The following VTI1A variants were observed in gnomAD, a reference collection of about 807,000 sequenced individuals.
The protein encoded by VTI1A is vesicle transport through interaction with t-SNAREs homolog 1A.
A neutral mutation model predicts 34.9 loss-of-function variants in VTI1A; 22 were observed. That is an observed-to-expected ratio of 0.63 (90% confidence interval 0.45 to 0.90). The LOEUF (loss-of-function observed/expected upper bound fraction) is 0.90. VTI1A is among the 40% of genes least tolerant of loss of function. The probability of loss-of-function intolerance (pLI) is 0.00; values close to 1 mark genes in which losing one functional copy is unlikely to be tolerated. For synonymous variants in VTI1A, 87 were observed against 97.3 expected (o/e 0.89, Z 0.62); for missense variants, 268 against 275.6 (o/e 0.97, Z 0.20).
chr10:112,588,294 C>G (rs1844241079), intron 5 of VTI1A, among the ~76,000 whole-genome samples: 1 of 151,916 alleles, frequency 6.6e-6, no homozygotes, highest in African/African-American at 2.4e-5. Flanking sequence ...TGGGCCATAC[C>G]ATTATGAAGT....
At chr10:112,528,435 CAT>C (rs1850313652) in intron 4 of VTI1A, among the ~76,000 whole-genome samples, 1 of 151,602 alleles carries the variant, frequency 6.6e-6, no homozygotes, top group Non-Finnish European at 1.5e-5. Context: ...TGAGTTCAGA[CAT>C]GTGAACACGT....
chr10:112,774,376 C>G (rs1564920390), intron 7 of VTI1A, among the ~76,000 whole-genome samples: 1 of 152,156 alleles, frequency 6.6e-6, no homozygotes, highest in Non-Finnish European at 1.5e-5. Context: ...CCTGGGCCTG[C>G]CTCTGCCATT....
chr10:112,678,295 G>T (rs780361418), intron 7 of VTI1A, among the ~76,000 whole-genome samples: 1 of 152,014 alleles, frequency 6.6e-6, no homozygotes, highest in African/African-American at 2.4e-5. Context: ...TACATTTTCC[G>T]TCAATGCCTT....
At chr10:112,614,462 G>T (rs1308051634) in intron 5 of VTI1A, among the ~76,000 whole-genome samples, 1 of 152,188 alleles carries the variant, frequency 6.6e-6, no homozygotes, top group Non-Finnish European at 1.5e-5. Flanking sequence ...GAAAGAGACC[G>T]CCCATGGCTT....
Position 112,763,964 on chromosome 10 carries a change from A to G in VTI1A, c.561-51326A>G, listed in dbSNP as rs1304395138. Among the ~76,000 whole-genome samples the G allele has an allele frequency of 3.3e-5, 5 of 152,238 alleles. No homozygotes were observed. The East Asian group carries it at 9.6e-4, about 29-fold the overall frequency. ...CGCCAGAGCACCCTCTCCAGAAAACAGCATCCCAAGAATATGTACAGTTTC... is the reference window on the plus strand; with the variant it reads ...CGCCAGAGCACCCTCTCCAGAAAACGGCATCCCAAGAATATGTACAGTTTC... On this transcript the variant is annotated intron_variant, in intron 7 of 7. Transcript: ENST00000393077.
In VTI1A at chr10:112,551,105, G is replaced by A. The variant is rs547228310; in HGVS notation, c.427+12775G>A. Among the ~76,000 whole-genome samples the A allele has an allele frequency of 4.8e-4, 73 of 152,156 alleles. 1 individual carries two copies. The highest frequency in any genetic ancestry group is 1.7e-3 in the African/African-American group (70 of 41,554). On this transcript the variant is annotated intron_variant, in intron 5 of 7. Transcript: ENST00000393077. ...AAAAATACAAAAAAATTAGCCGGGC[G>A]TGATAGTGGGCGCCTGTAGTCCCAG... is the stretch of plus-strand genomic sequence containing the variant.
intron 7 of VTI1A, chr10:112,672,623 T>C (rs1847891041): frequency 6.6e-6 from 1 of 152,188 alleles, no homozygotes; most frequent in African/African-American, 2.4e-5. Context: ...AATTTGATTA[T>C]TATAATTGGC....
the VTI1A span, among the ~76,000 whole-genome samples, chr10:112,842,041 TTTTTTTTTCC>T: frequency 2.8e-3 from 392 of 141,784 alleles, 3 homozygotes; most frequent in African/African-American, 9.2e-3. Context: ...TCTTTTCTTT[TTTTTTTTTCC>T]TTTTTTTTTT....
At chr10:112,540,650 A>G (rs1328296769) in intron 5 of VTI1A, among the ~76,000 whole-genome samples, 6 of 152,164 alleles carry the variant, frequency 3.9e-5, no homozygotes, top group Non-Finnish European at 8.8e-5. Context: ...GAAGGAATAC[A>G]CTGGGGTGGG....
chr10:112,568,838 C>T (rs1337159589), intron 5 of VTI1A, among the ~76,000 whole-genome samples: 2 of 152,192 alleles, frequency 1.3e-5, no homozygotes, highest in East Asian at 1.9e-4. Flanking sequence ...TGTGTTCCTC[C>T]GCCATGCAGT....
intron 3 of VTI1A, among the ~76,000 whole-genome samples, chr10:112,483,406 T>C (rs1171844338): frequency 1.3e-5 from 2 of 151,958 alleles, no homozygotes; most frequent in Non-Finnish European, 2.9e-5. Context: ...GAGTGTCTGA[T>C]GCATTTCTAC....
intron 5 of VTI1A, among the ~76,000 whole-genome samples, chr10:112,661,028 C>T (rs935233789): frequency 2.6e-5 from 4 of 152,050 alleles, no homozygotes; most frequent in South Asian, 2.1e-4. Flanking sequence ...TCACCCAGGC[C>T]GGAGTGCAGT....
chr10:112,808,785 C>T (rs1224570472), intron 7 of VTI1A, among the ~76,000 whole-genome samples: 4 of 152,094 alleles, frequency 2.6e-5, no homozygotes, highest in South Asian at 4.1e-4. Flanking sequence ...TTCAGGAATC[C>T]GTCTCTTTTT....
chr10:112,694,544 C>T (rs1219155412), intron 7 of VTI1A, among the ~76,000 whole-genome samples: 1 of 151,968 alleles, frequency 6.6e-6, no homozygotes, highest in Non-Finnish European at 1.5e-5. Flanking sequence ...TGTCTGGAAG[C>T]ATGCCTCTGA....
intron 7 of VTI1A, among the ~76,000 whole-genome samples, chr10:112,772,918 T>C (rs1851854841): frequency 6.6e-6 from 1 of 152,092 alleles, no homozygotes; most frequent in South Asian, 2.1e-4. Context: ...CAGAACAGGG[T>C]GGAGTTTAGC....
chr10:112,713,605 G>C (rs1157133652), intron 7 of VTI1A, among the ~76,000 whole-genome samples: 1 of 152,116 alleles, frequency 6.6e-6, no homozygotes, highest in Non-Finnish European at 1.5e-5. Context: ...AGATCTCCTT[G>C]TCTGACACCT....
At chr10:112,462,923 T>G (rs558028487) in intron 2 of VTI1A, among the ~76,000 whole-genome samples, 2 of 151,540 alleles carry the variant, frequency 1.3e-5, no homozygotes, top group Admixed American at 1.3e-4. Flanking sequence ...TTTATTTATT[T>G]ATTTATTTAT....
At chr10:112,516,837 G>A (rs73365028) in intron 3 of VTI1A, among the ~76,000 whole-genome samples, 182 of 152,172 alleles carry the variant, frequency 1.2e-3, no homozygotes, top group African/African-American at 4.2e-3. Context: ...AGAATACCAT[G>A]TGCATGGTTA....
chr10:112,635,571 A>G (rs991763305), intron 5 of VTI1A, among the ~76,000 whole-genome samples: 2 of 152,244 alleles, frequency 1.3e-5, no homozygotes, highest in Non-Finnish European at 2.9e-5. Context: ...AGAAAGATCA[A>G]ACAATCGAGA....
Sources: gnomAD v4.1 joint callset for allele counts (sites outside exome capture counted in the v4.1 genomes callset) on GRCh38, gnomAD v4.1.1 for gene constraint, MANE v1.5 for transcripts, NCBI Gene and HGNC (gene_info 2026-07-23, HGNC 2026-07-21) for gene names.